Variants in C1orf21 observed in about 807,000 individuals in gnomAD.
The protein encoded by C1orf21 is chromosome 1 open reading frame 21.
Under a neutral mutation model 18.7 loss-of-function variants are expected in C1orf21, and 3 were observed. That is an observed-to-expected ratio of 0.16 (90% confidence interval 0.07 to 0.42). The LOEUF is 0.42. Ranked by LOEUF, C1orf21 falls within the 10% of genes least tolerant of loss-of-function variation. The pLI is 0.99. For synonymous variants in C1orf21, 41 were observed against 46.4 expected, an observed-to-expected ratio of 0.88 and a Z score of 0.47; for missense variants, 104 against 143.6, an observed-to-expected ratio of 0.72 and a Z score of 1.41.
At chr1:184,603,936 GA>G (rs1188348568) in intron 5 of C1orf21, among the ~76,000 whole-genome samples, 7 of 152,362 alleles carry the variant, frequency 4.6e-5, no homozygotes, top group African/African-American at 1.7e-4. Flanking sequence ...CGTGGTTGGT[GA>G]AAAAGGTCAT....
chr1:184,425,723 G>C (rs776476281), intron 1 of C1orf21, among the ~76,000 whole-genome samples: 3 of 152,168 alleles, frequency 2.0e-5, no homozygotes, highest in Non-Finnish European at 4.4e-5. Context: ...TAGCTTGAAA[G>C]GGCAAGGTCA....
At chr1:184,584,093 C>G (rs889929186) in intron 3 of C1orf21, among the ~76,000 whole-genome samples, 6 of 151,482 alleles carry the variant, frequency 4.0e-5, no homozygotes, top group African/African-American at 1.5e-4. Flanking sequence ...TCTCCTTCCC[C>G]CTCCTTCCAG....
chr1:184,389,377 G>A (rs1479021395), intron 1 of C1orf21, among the ~76,000 whole-genome samples: 9 of 152,198 alleles, frequency 5.9e-5, no homozygotes, highest in Non-Finnish European at 1.3e-4. Context: ...GGACCTTAAA[G>A]TTCCAGCTTT....
At chr1:184,576,919 T>G (rs1659199096) in intron 3 of C1orf21, among the ~76,000 whole-genome samples, 2 of 152,302 alleles carry the variant, frequency 1.3e-5, no homozygotes, top group South Asian at 4.1e-4. Context: ...CCTGCCGGCC[T>G]GCACTCTGCA....
intron 1 of C1orf21, among the ~76,000 whole-genome samples, chr1:184,434,361 G>C (rs574233462): frequency 6.6e-6 from 1 of 151,646 alleles, no homozygotes; most frequent in Non-Finnish European, 1.5e-5. Context: ...AAAGATGCAG[G>C]GAATGAGACT....
intron 3 of C1orf21, chr1:184,567,645 C>A: frequency 2.4e-6 from 1 of 408,664 alleles, no homozygotes; most frequent in Non-Finnish European, 4.9e-6. Flanking sequence ...CTGCAGCCTA[C>A]AATGGCATCA....
At chr1:184,545,754 G>C (rs374049070) in intron 3 of C1orf21, among the ~76,000 whole-genome samples, 19 of 152,228 alleles carry the variant, frequency 1.2e-4, no homozygotes, top group African/African-American at 4.6e-4. Context: ...GCAAGTTCCA[G>C]GGTTCTTGGT....
intron 1 of C1orf21, among the ~76,000 whole-genome samples, chr1:184,467,987 GGT>G (rs71782493): frequency 0.21 from 30,556 of 148,744 alleles, 3,383 homozygotes; most frequent in East Asian, 0.3. Context: ...GAGCTTTTAT[GGT>G]GTGTGTGTGT....
chr1:184,449,334 A>C (rs1055571230), intron 1 of C1orf21, among the ~76,000 whole-genome samples: 2 of 152,064 alleles, frequency 1.3e-5, no homozygotes, highest in African/African-American at 4.8e-5. Flanking sequence ...TTTGCTGAGA[A>C]TGATGGTTTC....
chr1:184,567,239 C>T (rs532950477), intron 3 of C1orf21: 1 of 467,768 alleles, frequency 2.1e-6, no homozygotes, highest in East Asian at 5.5e-5. Flanking sequence ...GGAATTAAGT[C>T]CAGAGGAGCT....
chr1:184,477,275 T>C, intron 1 of C1orf21, 111 bp from the exon 2 acceptor site: 1 of 427,618 alleles, frequency 2.3e-6, no homozygotes, highest in African/African-American at 2.0e-5. Context: ...GTGCGATGGG[T>C]GGGTCTGTGC....
chr1:184,558,643 C>T (rs1658911542), intron 3 of C1orf21, among the ~76,000 whole-genome samples: 1 of 152,340 alleles, frequency 6.6e-6, no homozygotes, highest in East Asian at 1.9e-4. Context: ...GGTCACCAGG[C>T]TGCCCACCTT....
intron 5 of C1orf21, among the ~76,000 whole-genome samples, chr1:184,611,605 G>C (rs1257983527): frequency 6.6e-6 from 1 of 152,210 alleles, no homozygotes; most frequent in Non-Finnish European, 1.5e-5. Context: ...TGGATCTGAG[G>C]TTGCCTCTGG....
intron 1 of C1orf21, among the ~76,000 whole-genome samples, chr1:184,454,043 G>A (rs1657159716): frequency 1.3e-5 from 2 of 152,148 alleles, no homozygotes; most frequent in South Asian, 4.2e-4. Context: ...GACATCACTG[G>A]CATCAGATCC....
intron 3 of C1orf21, among the ~76,000 whole-genome samples, chr1:184,579,550 G>A (rs10911615): frequency 0.17 from 22,924 of 131,954 alleles, 2,168 homozygotes; most frequent in Admixed American, 0.31. Flanking sequence ...CACTCTTGTC[G>A]CCCAGGCTGG....
At chr1:184,506,872 A>G (rs974087215) in intron 2 of C1orf21, among the ~76,000 whole-genome samples, 3 of 152,024 alleles carry the variant, frequency 2.0e-5, no homozygotes, top group Admixed American at 1.3e-4. Context: ...ACATCCCACT[A>G]TACTCTCCAG....
intron 2 of C1orf21, among the ~76,000 whole-genome samples, chr1:184,502,655 T>C (rs1657994298): frequency 6.6e-6 from 1 of 152,196 alleles, no homozygotes; most frequent in East Asian, 1.9e-4. Context: ...TATTTACAAA[T>C]ATGTACAGTC....
At chr1:184,391,384 C>CG (rs1418689877) in intron 1 of C1orf21, among the ~76,000 whole-genome samples, 5 of 152,132 alleles carry the variant, frequency 3.3e-5, no homozygotes, top group African/African-American at 1.2e-4. Context: ...AAAATGGAAG[C>CG]TGAGAAGACT....
intron 5 of C1orf21, among the ~76,000 whole-genome samples, chr1:184,601,977 G>T (rs905280551): frequency 6.6e-6 from 1 of 151,982 alleles, no homozygotes; most frequent in African/African-American, 2.4e-5. Context: ...AGTTACTGAG[G>T]ATACAAAATT....
Sources: gnomAD v4.1 joint callset for allele counts (sites outside exome capture counted in the v4.1 genomes callset) on GRCh38, gnomAD v4.1.1 for gene constraint, MANE v1.5 for transcripts, NCBI Gene and HGNC (gene_info 2026-07-23, HGNC 2026-07-21) for gene names.